The following DLGAP2 variants were observed in gnomAD, a reference collection of about 807,000 sequenced individuals.
The protein encoded by DLGAP2 is DLG associated protein 2, also known as disks large-associated protein 2.
DLGAP2 carries 26 observed loss-of-function variants against 100.3 expected under a neutral mutation model. The ratio of observed to expected loss-of-function variants is 0.26; its 90% CI spans 0.19 to 0.36. DLGAP2 has a LOEUF of 0.36. Among genes scored for constraint, DLGAP2 ranks in the 10% least tolerant of loss-of-function variants. The pLI is 1.00. For synonymous variants in DLGAP2, 886 were observed against 630.1 expected, an observed-to-expected ratio of 1.41 and a Z score of -6.08; for missense variants, 1,858 against 1,453.2, an observed-to-expected ratio of 1.28 and a Z score of -4.53.
At chr8:1,297,491 G>C (rs1215999565) in intron 3 of DLGAP2, among the ~76,000 whole-genome samples, 1 of 147,754 alleles carries the variant, frequency 6.8e-6, no homozygotes, top group East Asian at 2.0e-4. Context: ...ACGAGACAGG[G>C]AGGAGAAACG....
intron 3 of DLGAP2, among the ~76,000 whole-genome samples, chr8:1,352,945 A>G (rs1801769409): frequency 6.6e-6 from 1 of 152,162 alleles, no homozygotes; most frequent in Non-Finnish European, 1.5e-5. Context: ...GTGCTCTTTG[A>G]CTGTTCCAGA....
At chr8:1,081,799 G>A (rs1803819917) in intron 2 of DLGAP2, among the ~76,000 whole-genome samples, 1 of 152,102 alleles carries the variant, frequency 6.6e-6, no homozygotes, top group African/African-American at 2.4e-5. Flanking sequence ...ACTCTCACAT[G>A]TTCTGAACTT....
At chr8:1,681,845 C>A (rs985294426) in intron 12 of DLGAP2, among the ~76,000 whole-genome samples, 3 of 152,080 alleles carry the variant, frequency 2.0e-5, no homozygotes, top group African/African-American at 7.2e-5. Flanking sequence ...TAGCGGTGAC[C>A]CGGGACTGGG....
At chr8:1,342,330 A>C (rs1222027888) in intron 3 of DLGAP2, among the ~76,000 whole-genome samples, 1 of 152,188 alleles carries the variant, frequency 6.6e-6, no homozygotes, top group Non-Finnish European at 1.5e-5. Flanking sequence ...CCAGCAATTT[A>C]GTGCATTGCT....
Position 1,516,772 on chromosome 8 carries a change from T to C in DLGAP2, c.172+15341T>C, listed in dbSNP as rs1191410487. ...GTGACTGAGTGAAAGAGTACACGAA[T>C]GAGTGAGTGAATCAGTGAGTGAGTG... On this transcript the variant is annotated intron_variant, in intron 4 of 14. Coordinates refer to ENST00000637795, the MANE Select transcript of DLGAP2 (RefSeq NM_001346810.2). Among the ~76,000 whole-genome samples, 3 of 152,164 alleles carry C rather than the reference T, an allele frequency of 2.0e-5. No individual in the cohort carries two copies. The East Asian group carries it at 5.8e-4, about 29-fold the overall frequency.
At chr8:1,626,622 C>A in intron 6 of DLGAP2, 118 bp from the exon 7 acceptor site, 1 of 1,353,746 alleles carries the variant, frequency 7.4e-7, no homozygotes, top group South Asian at 1.4e-5. Context: ...GACGGTCGTT[C>A]CCACCTCTGC....
chr8:1,434,308 G>A (rs1797553620), intron 3 of DLGAP2, among the ~76,000 whole-genome samples: 2 of 152,148 alleles, frequency 1.3e-5, no homozygotes, highest in African/African-American at 2.4e-5. Flanking sequence ...TGACCCAGGA[G>A]GCTGACAGGA....
At chr8:1,077,447 A>C (rs376537723) in intron 2 of DLGAP2, among the ~76,000 whole-genome samples, 88 of 152,288 alleles carry the variant, frequency 5.8e-4, no homozygotes, top group African/African-American at 2.1e-3. Flanking sequence ...TCAGCTTCTA[A>C]AGTGAGTCAC....
chr8:1,679,540 G>A (rs1446719765), intron 12 of DLGAP2, among the ~76,000 whole-genome samples: 2 of 152,132 alleles, frequency 1.3e-5, no homozygotes, highest in African/African-American at 4.8e-5. Context: ...GGGTGGAATG[G>A]GAGGGCCGTG....
intron 2 of DLGAP2, among the ~76,000 whole-genome samples, chr8:1,222,866 A>G (rs1798343683): frequency 6.6e-6 from 1 of 152,110 alleles, no homozygotes; most frequent in Admixed American, 6.5e-5. Flanking sequence ...GGGCGTTCAG[A>G]TCAGACTGGC....
chr8:1,163,299 C>T (rs1406593525), intron 2 of DLGAP2, among the ~76,000 whole-genome samples: 1 of 152,228 alleles, frequency 6.6e-6, no homozygotes, highest in East Asian at 1.9e-4. Flanking sequence ...GACGGGACCA[C>T]GCGGGCTGTG....
In DLGAP2 at chr8:1,618,756, G is replaced by A. The variant is rs143095499; in HGVS notation, c.1443-7984G>A. On this transcript the variant is annotated intron_variant, in intron 6 of 14. Coordinates refer to ENST00000637795, the MANE Select transcript of DLGAP2 (RefSeq NM_001346810.2). ...GGCCAGACAATTGTCTCTCATTGGG[G>A]GGATCTCCGTGCACCTTCAGCATTC... 3.3e-4 allele frequency among the ~76,000 whole-genome samples: 50 copies of A among 152,190 alleles called. 1 individual carries two copies. Among genetic ancestry groups the A allele is most frequent in the African/African-American group, 1.0e-3 (43 of 41,532 alleles).
chr8:817,392 T>G (rs1474514924), intron 1 of DLGAP2, among the ~76,000 whole-genome samples: 1 of 152,258 alleles, frequency 6.6e-6, no homozygotes, highest in Non-Finnish European at 1.5e-5. Context: ...CTTCATTTCC[T>G]TAAGTTGGAC....
At chr8:1,037,340 C>T (rs1315275616) in intron 2 of DLGAP2, among the ~76,000 whole-genome samples, 3 of 152,112 alleles carry the variant, frequency 2.0e-5, no homozygotes, top group Non-Finnish European at 2.9e-5. Flanking sequence ...AAGCTCTTCC[C>T]GCCCCTTCAG....
At chr8:997,648 T>C (rs192608809) in intron 2 of DLGAP2, among the ~76,000 whole-genome samples, 33 of 152,340 alleles carry the variant, frequency 2.2e-4, no homozygotes, top group Admixed American at 5.9e-4. Context: ...ATTCCTATGC[T>C]TCACACAAAC....
At chr8:849,006 G>T in intron 1 of DLGAP2, among the ~76,000 whole-genome samples, 1 of 152,008 alleles carries the variant, frequency 6.6e-6, no homozygotes, top group East Asian at 1.9e-4. Flanking sequence ...GGATCGTGAG[G>T]TGCCTGTTCC....
intron 2 of DLGAP2, among the ~76,000 whole-genome samples, chr8:1,173,664 G>C (rs1026171447): frequency 2.0e-5 from 3 of 152,194 alleles, no homozygotes; most frequent in African/African-American, 7.2e-5. Flanking sequence ...AAGACGTTAT[G>C]GGCGTAGGAC....
chr8:782,339 T>A (rs7001090), intron 1 of DLGAP2, among the ~76,000 whole-genome samples: 20,121 of 152,072 alleles, frequency 0.13, 1,495 homozygotes, highest in East Asian at 0.24. Context: ...TTGATTTTTT[T>A]AAAAAAATCA....
chr8:1,430,025 TATACAC>T (rs1352213900), intron 3 of DLGAP2, among the ~76,000 whole-genome samples: 1,322 of 98,796 alleles, frequency 0.013, 92 homozygotes, highest in African/African-American at 0.046. Context: ...TATATATATA[TATACAC>T]ACACACACAT....
Sources: allele counts gnomAD v4.1 joint callset (sites outside exome capture counted in the v4.1 genomes callset), GRCh38; gene constraint gnomAD v4.1.1; transcripts MANE v1.5; gene names NCBI Gene and HGNC (gene_info 2026-07-23, HGNC 2026-07-21).